Variants in L3HYPDH observed in about 807,000 individuals in gnomAD.
L3HYPDH encodes trans-L-3-hydroxyproline dehydratase.
L3HYPDH carries 32 observed loss-of-function variants against 26.5 expected under a neutral mutation model. The observed-to-expected ratio is 1.21, with a 90% CI of 0.91 to 1.62. The LOEUF is 1.62. Ranked by LOEUF, L3HYPDH falls within the 40% of genes most tolerant of loss-of-function variation. The pLI is 0.00. For missense variants in L3HYPDH, 554 were observed against 476.4 expected (o/e 1.16, Z -1.52); for synonymous variants, 215 against 196.6 (o/e 1.09, Z -0.78).
intron 4 of L3HYPDH, among the ~76,000 whole-genome samples, chr14:59,475,536 T>C (rs1334906062): frequency 2.0e-5 from 3 of 152,232 alleles, no homozygotes; most frequent in Non-Finnish European, 4.4e-5. Flanking sequence ...ATCTAGCTTC[T>C]GCATTCAATT....
chr14:59,484,399 G>A lies in L3HYPDH; in HGVS notation c.-83C>T, dbSNP rs1890332883. On this transcript the variant is annotated 5_prime_UTR_variant, in exon 1 of 5. Transcript: ENST00000247194. ...CACCCACTGACTCCGCGGGAGGAGG[G>A]CGGGACGCTAACCAGCCACGTCCGG... is the stretch of plus-strand genomic sequence containing the variant. 2.1e-6 allele frequency: 3 copies of A among 1,452,926 alleles called. No homozygotes were observed. The highest frequency in any genetic ancestry group is 2.8e-5 in the African/African-American group (2 of 71,782). The allele number at this position is 1,452,926 out of a possible 1,614,324, so 90.0% of individuals were successfully genotyped here. A position where few individuals can be genotyped will look rare whatever the true frequency, so the allele number is the denominator to read the frequency against.
chr14:59,481,601 A>T (rs1001280660), intron 1 of L3HYPDH, among the ~76,000 whole-genome samples: 6 of 152,258 alleles, frequency 3.9e-5, no homozygotes, highest in African/African-American at 1.4e-4. Flanking sequence ...AGATTTAGTG[A>T]GCACCTACTA....
intron 1 of L3HYPDH, chr14:59,483,578 C>G: frequency 7.0e-7 from 1 of 1,425,928 alleles, no homozygotes; most frequent in Non-Finnish European, 9.1e-7. Flanking sequence ...TTCCTCGCTC[C>G]TCAAGGGTCT....
the L3HYPDH span, chr14:59,504,631 G>A: frequency 6.6e-6 from 1 of 152,566 alleles, no homozygotes; most frequent in Non-Finnish European, 1.5e-5. Flanking sequence ...CAGGTTTTCT[G>A]TTTATAGATT....
At chr14:59,480,041 T>G (rs571068663) in intron 1 of L3HYPDH, among the ~76,000 whole-genome samples, 1 of 152,272 alleles carries the variant, frequency 6.6e-6, no homozygotes, top group South Asian at 2.1e-4. Context: ...GGGGGCTGGG[T>G]GATGTTTATT....
chr14:59,484,841 T>G (rs150685758), upstream of L3HYPDH: 66 of 1,044,084 alleles, frequency 6.3e-5, no homozygotes, highest in African/African-American at 1.0e-3. Context: ...TGGTCCGAAA[T>G]GTCTCTTCAG....
At chr14:59,504,325 C>T in the L3HYPDH span, 1 of 444,602 alleles carries the variant, frequency 2.2e-6, no homozygotes, top group Non-Finnish European at 4.0e-6. Context: ...CCTTGCTTCT[C>T]TCAACAGTTC....
chr14:59,481,597 A>G (rs1490795976), intron 1 of L3HYPDH, among the ~76,000 whole-genome samples: 1 of 152,258 alleles, frequency 6.6e-6, no homozygotes, highest in East Asian at 1.9e-4. Flanking sequence ...CTCAAGATTT[A>G]GTGAGCACCT....
At chr14:59,480,039 G>C (rs924274159) in intron 1 of L3HYPDH, among the ~76,000 whole-genome samples, 8 of 152,112 alleles carry the variant, frequency 5.3e-5, no homozygotes, top group African/African-American at 1.9e-4. Context: ...AAGGGGGCTG[G>C]GTGATGTTTA....
the L3HYPDH span, chr14:59,494,994 A>G: frequency 6.4e-7 from 1 of 1,565,490 alleles, no homozygotes; most frequent in East Asian, 2.2e-5. Flanking sequence ...TTTTCTAGTA[A>G]TCATGCCTCT....
At chr14:59,478,881 A>T (rs1175384420) in intron 2 of L3HYPDH, 1 of 236,056 alleles carries the variant, frequency 4.2e-6, no homozygotes, top group African/African-American at 2.3e-5. Flanking sequence ...GCCACACATA[A>T]GATACACTAA....
intron 2 of L3HYPDH, among the ~76,000 whole-genome samples, chr14:59,477,708 C>A (rs977005231): frequency 1.3e-5 from 2 of 152,166 alleles, no homozygotes; most frequent in Non-Finnish European, 2.9e-5. Flanking sequence ...CATATTGGTA[C>A]TGGCAGTACC....
At chr14:59,466,490 T>C (rs1424709705) in intron 1 of L3HYPDH, among the ~76,000 whole-genome samples, 6 of 152,130 alleles carry the variant, frequency 3.9e-5, no homozygotes. Flanking sequence ...GAAATACAAA[T>C]TATCAGGCCT....
At chr14:59,469,273 G>C (rs1488232860), downstream of L3HYPDH, among the ~76,000 whole-genome samples, 1 of 152,076 alleles carries the variant, frequency 6.6e-6, no homozygotes. Flanking sequence ...AAGAAGGGGA[G>C]GCCAGGCGCG....
At chr14:59,487,356 G>A (rs1337063817), upstream of L3HYPDH, 1 of 188,910 alleles carries the variant, frequency 5.3e-6, no homozygotes, top group Non-Finnish European at 1.1e-5. Flanking sequence ...GTCTTGTACA[G>A]TAAGTTGAAC....
At chr14:59,490,297 C>G in the L3HYPDH span, among the ~76,000 whole-genome samples, 3 of 152,210 alleles carry the variant, frequency 2.0e-5, no homozygotes, top group Non-Finnish European at 4.4e-5. Flanking sequence ...GAGCACAGCT[C>G]CAAGTCATTC....
chr14:59,467,985 T>C (rs76836600), downstream of L3HYPDH, among the ~76,000 whole-genome samples: 6,382 of 152,322 alleles, frequency 0.042, 151 homozygotes, highest in Non-Finnish European at 0.044. Context: ...CTCTTTGGAC[T>C]ACTGTTGTCA....
the L3HYPDH span, among the ~76,000 whole-genome samples, chr14:59,492,344 G>A: frequency 6.6e-6 from 1 of 152,206 alleles, no homozygotes; most frequent in African/African-American, 2.4e-5. Flanking sequence ...ATTGCACTGA[G>A]AAAGAAGGAG....
chr14:59,483,695 A>T, intron 1 of L3HYPDH, 114 bp downstream of exon 1: 2 of 1,479,048 alleles, frequency 1.4e-6, no homozygotes, highest in Non-Finnish European at 1.8e-6. Context: ...TATTAATTGC[A>T]AGGTTTCGCG....
Sources: gnomAD v4.1 joint callset for allele counts (sites outside exome capture counted in the v4.1 genomes callset) on GRCh38, gnomAD v4.1.1 for gene constraint, MANE v1.5 for transcripts, NCBI Gene and HGNC (gene_info 2026-07-23, HGNC 2026-07-21) for gene names.